The following TMPRSS15 variants were observed in gnomAD, a reference collection of about 807,000 sequenced individuals.
TMPRSS15 encodes the protein enteropeptidase.
Under a neutral mutation model 125.3 loss-of-function variants are expected in TMPRSS15, and 128 were observed. The ratio of observed to expected loss-of-function variants is 1.02; its 90% confidence interval spans 0.89 to 1.18. The LOEUF (loss-of-function observed/expected upper bound fraction) is 1.18. Ranked by LOEUF, TMPRSS15 falls within the 50% of genes most tolerant of loss-of-function variation. The probability of loss-of-function intolerance (pLI) is 0.00; values close to 1 mark genes in which losing one functional copy is unlikely to be tolerated. For synonymous variants in TMPRSS15, 446 were observed against 423.2 expected, an observed-to-expected ratio of 1.05 and a Z score of -0.66; for missense variants, 1,283 against 1,212.7, an observed-to-expected ratio of 1.06 and a Z score of -0.86.
intron 21 of TMPRSS15, among the ~76,000 whole-genome samples, chr21:18,285,477 C>G (rs117875843): frequency 6.6e-6 from 1 of 152,196 alleles, no homozygotes; most frequent in African/African-American, 2.4e-5. Context: ...GCAACCTCAA[C>G]AACTTTGCAC....
intron 13 of TMPRSS15, among the ~76,000 whole-genome samples, chr21:18,333,772 C>T (rs2075366425): frequency 6.6e-6 from 1 of 152,108 alleles, no homozygotes; most frequent in South Asian, 2.1e-4. Flanking sequence ...CAGAGTCTGA[C>T]ACTTTAAGTA....
chr21:18,377,332 T>A (rs1601411845), intron 5 of TMPRSS15, among the ~76,000 whole-genome samples: 2 of 152,240 alleles, frequency 1.3e-5, no homozygotes, highest in East Asian at 3.9e-4. Context: ...AATTTAGGGT[T>A]TTTTATGAAT....
chr21:18,362,308 T>A (rs1427905619), intron 7 of TMPRSS15, among the ~76,000 whole-genome samples: 3 of 152,122 alleles, frequency 2.0e-5, no homozygotes, highest in Non-Finnish European at 4.4e-5. Flanking sequence ...GAGAGATGAT[T>A]TCTTAACTAA....
In TMPRSS15 at chr21:18,274,911, C is replaced by G. The variant is rs993833814; in HGVS notation, c.2904+286G>C. On this transcript the variant is annotated intron_variant, in intron 24 of 24. Transcript: ENST00000284885. ...TTTAGATAAGGTGCACACTTTCTGG[C>G]TCAACCCAGGTCCACTGCTCATTTT... 2.6e-5 allele frequency among the ~76,000 whole-genome samples: 4 copies of G among 152,142 alleles called. No individual in the cohort carries two copies. In the East Asian group the frequency reaches 7.7e-4, roughly 29 times the overall value.
chr21:18,301,455 T>C (rs1439073000), intron 18 of TMPRSS15, among the ~76,000 whole-genome samples: 3 of 152,156 alleles, frequency 2.0e-5, no homozygotes, highest in Non-Finnish European at 4.4e-5. Context: ...CATTTACTTT[T>C]GAAAGACAAA....
chr21:18,380,510 T>A, intron 4 of TMPRSS15: 1 of 469,726 alleles, frequency 2.1e-6, no homozygotes, highest in Non-Finnish European at 4.4e-6. Flanking sequence ...ATCACTAAGT[T>A]GTATTTTTAA....
rs577415135 is a variant in TMPRSS15 at position 18,289,744 on chromosome 21, C to T, written c.2486+4526G>A. On this transcript the variant is annotated intron_variant, in intron 21 of 24. Coordinates refer to ENST00000284885, the MANE Select transcript of TMPRSS15 (RefSeq NM_002772.3). ...ACTAATTTCATCTTTAATAGATGTC[C>T]GTTCAATGACTGTGATCCAGACTGT... Among the ~76,000 whole-genome samples, 21 of 152,216 alleles carry T rather than the reference C, an allele frequency of 1.4e-4. No individual in the cohort carries two copies. The South Asian group carries it at 3.9e-3, about 29-fold the overall frequency.
At chr21:18,371,804 G>A (rs1271792121) in intron 6 of TMPRSS15, among the ~76,000 whole-genome samples, 1 of 152,016 alleles carries the variant, frequency 6.6e-6, no homozygotes. Flanking sequence ...CCATTAGTAA[G>A]AAGTGAGAAT....
In TMPRSS15 at chr21:18,352,914, C is replaced by T; in HGVS notation, c.1160G>A (p.Gly387Asp). The T allele has an allele frequency of 6.2e-7, 1 of 1,612,110 alleles. No homozygotes were observed. Among genetic ancestry groups the T allele is most frequent in the Non-Finnish European group, 8.5e-7 (1 of 1,178,722 alleles). Residue 387 changes from glycine to aspartate, a missense_variant, in exon 10 of 25, where the codon GGC (glycine) becomes GAC (aspartate). Transcript: ENST00000284885. ...TAAATGAATTATACCTGAAGCATTG[C>T]CAAAAGTGTGGTCAAAATTGGGTCC... is the stretch of plus-strand genomic sequence containing the variant. ...FTGPNFDHTF[G>D]NASGFYISTP...
At chr21:18,417,856 A>G (rs142240451) in intron 1 of TMPRSS15, among the ~76,000 whole-genome samples, 7 of 152,242 alleles carry the variant, frequency 4.6e-5, no homozygotes, top group African/African-American at 1.7e-4. Context: ...TATACACACA[A>G]TCACACACAT....
chr21:18,341,685 C>A, intron 12 of TMPRSS15, 137 bp from the exon 13 acceptor site: 1 of 952,980 alleles, frequency 1.0e-6, no homozygotes, highest in Non-Finnish European at 1.6e-6. Context: ...GTGACCGTTA[C>A]TACATAGTGA....
intron 4 of TMPRSS15, among the ~76,000 whole-genome samples, chr21:18,383,024 T>A (rs183617108): frequency 6.6e-6 from 1 of 152,202 alleles, no homozygotes; most frequent in Non-Finnish European, 1.5e-5. Flanking sequence ...TCATTGACTC[T>A]ACTTTTTTCT....
At chr21:18,453,740 G>A (rs1156391194) in intron 1 of TMPRSS15, among the ~76,000 whole-genome samples, 1 of 152,102 alleles carries the variant, frequency 6.6e-6, no homozygotes, top group Non-Finnish European at 1.5e-5. Flanking sequence ...GCTAAGATAT[G>A]GAAACAATCC....
intron 1 of TMPRSS15, among the ~76,000 whole-genome samples, chr21:18,479,689 T>C (rs531696870): frequency 4.7e-4 from 71 of 152,140 alleles, no homozygotes; most frequent in Non-Finnish European, 9.0e-4. Context: ...CACAATGAGA[T>C]ACCATCTTAT....
intron 16 of TMPRSS15, among the ~76,000 whole-genome samples, chr21:18,326,043 T>A (rs566469594): frequency 2.0e-5 from 3 of 152,268 alleles, no homozygotes; most frequent in African/African-American, 7.2e-5. Context: ...GTTGTTGGCA[T>A]GCCAACAGCT....
intron 18 of TMPRSS15, among the ~76,000 whole-genome samples, chr21:18,300,867 C>G (rs746665592): frequency 3.9e-5 from 6 of 151,956 alleles, no homozygotes; most frequent in Non-Finnish European, 8.8e-5. Flanking sequence ...AATGGGTATT[C>G]AGTAAATGCC....
At chr21:18,383,568 C>G in intron 4 of TMPRSS15, 59 bp downstream of exon 4, 3 of 1,588,950 alleles carry the variant, frequency 1.9e-6, no homozygotes, top group Non-Finnish European at 2.6e-6. Flanking sequence ...TGGTATATTG[C>G]TAGAATTTTA....
At chr21:18,481,159 T>C (rs1436506986) in intron 1 of TMPRSS15, among the ~76,000 whole-genome samples, 6 of 151,774 alleles carry the variant, frequency 4.0e-5, no homozygotes, top group Admixed American at 1.3e-4. Context: ...TTTCTGGAAC[T>C]TCGTTTCCCA....
chr21:18,331,021 C>T (rs914463871), intron 14 of TMPRSS15, among the ~76,000 whole-genome samples: 1 of 140,444 alleles, frequency 7.1e-6, no homozygotes, highest in Non-Finnish European at 1.5e-5. Context: ...TGCAGTGAGC[C>T]GAGATCGCAC....
Sources: gnomAD v4.1 joint callset for allele counts (sites outside exome capture counted in the v4.1 genomes callset) on GRCh38, gnomAD v4.1.1 for gene constraint, MANE v1.5 for transcripts, NCBI Gene and HGNC (gene_info 2026-07-23, HGNC 2026-07-21) for gene names.